The following CSMD1 variants were observed in gnomAD, a reference collection of about 807,000 sequenced individuals.
CSMD1 encodes the protein CUB and Sushi multiple domains 1.
CSMD1 carries 213 observed loss-of-function variants against 417.5 expected under a neutral mutation model. The observed-to-expected ratio is 0.51, with a 90% CI of 0.46 to 0.57. The LOEUF (loss-of-function observed/expected upper bound fraction) is 0.57. Ranked by LOEUF, CSMD1 falls within the 20% of genes least tolerant of loss-of-function variation. The probability of loss-of-function intolerance (pLI) is 0.00; values close to 1 mark genes in which losing one functional copy is unlikely to be tolerated. For missense variants in CSMD1, 6,923 were observed against 4,529.7 expected, an observed-to-expected ratio of 1.53 and a Z score of -15.17; for synonymous variants, 2,862 against 1,736.8, an observed-to-expected ratio of 1.65 and a Z score of -16.11.
chr8:4,501,465 C>A (rs1802256938), intron 2 of CSMD1, among the ~76,000 whole-genome samples: 1 of 152,174 alleles, frequency 6.6e-6, no homozygotes, highest in Non-Finnish European at 1.5e-5. Context: ...ATACTTTTCT[C>A]ATGTCAACAT....
chr8:3,895,684 G>A (rs938013920), intron 5 of CSMD1, among the ~76,000 whole-genome samples: 3 of 152,128 alleles, frequency 2.0e-5, no homozygotes, highest in African/African-American at 7.2e-5. Flanking sequence ...TATAATCCAA[G>A]TATTTGTATT....
chr8:3,004,806 T>C (rs1312859904), intron 52 of CSMD1, among the ~76,000 whole-genome samples: 1 of 152,180 alleles, frequency 6.6e-6, no homozygotes, highest in African/African-American at 2.4e-5. Context: ...CTCCAGTGAC[T>C]CCGTTTTACA....
At chr8:3,405,605 G>T (rs1404386949) in intron 15 of CSMD1, among the ~76,000 whole-genome samples, 1 of 23,636 alleles carries the variant, frequency 4.2e-5, no homozygotes, top group Non-Finnish European at 7.9e-5. Flanking sequence ...ATAAGGTGTT[G>T]CTGGAAGAAG....
At chr8:3,775,845 T>C (rs1192092280) in intron 5 of CSMD1, among the ~76,000 whole-genome samples, 1 of 152,196 alleles carries the variant, frequency 6.6e-6, no homozygotes, top group Non-Finnish European at 1.5e-5. Flanking sequence ...CGCAGGGTTG[T>C]TACTGACCTA....
rs574323964 is a variant in CSMD1 at position 3,839,801 on chromosome 8, C to G, written c.819-85759G>C. 4.0e-5 allele frequency among the ~76,000 whole-genome samples: 6 copies of G among 151,686 alleles called. No homozygotes were observed. The East Asian group carries it at 1.2e-3, about 30-fold the overall frequency. ...TATTTGTTCCCAGAGAAGCTGGTGG[C>G]CAAACTAGAGACCAAAGTGCACAGC... is the stretch of plus-strand genomic sequence containing the variant. On this transcript the variant is annotated intron_variant, in intron 5 of 69. Transcript: ENST00000635120.
At chr8:4,843,251 G>T (rs969352987) in intron 1 of CSMD1, among the ~76,000 whole-genome samples, 1 of 152,228 alleles carries the variant, frequency 6.6e-6, no homozygotes, top group East Asian at 1.9e-4. Context: ...GGAATACGAT[G>T]TCTCCCTAAC....
chr8:4,108,369 T>C (rs890366504), intron 3 of CSMD1, among the ~76,000 whole-genome samples: 1 of 152,110 alleles, frequency 6.6e-6, no homozygotes, highest in Non-Finnish European at 1.5e-5. Flanking sequence ...TCACCCCGGG[T>C]ATCTGTATCA....
intron 20 of CSMD1, among the ~76,000 whole-genome samples, chr8:3,365,826 G>A (rs75953397): frequency 0.03 from 4,584 of 152,262 alleles, 95 homozygotes; most frequent in East Asian, 0.08. Flanking sequence ...AATAATACAA[G>A]GATTAGGGGT....
chr8:4,555,381 G>A (rs906986439), intron 2 of CSMD1, among the ~76,000 whole-genome samples: 1 of 152,110 alleles, frequency 6.6e-6, no homozygotes, highest in Non-Finnish European at 1.5e-5. Flanking sequence ...GGAATGTCGT[G>A]GGCCATTTGG....
chr8:4,034,966 G>C lies in CSMD1; in HGVS notation c.416-2867C>G, dbSNP rs114999210. On this transcript the variant is annotated intron_variant, in intron 3 of 69. Coordinates refer to ENST00000635120, the MANE Select transcript of CSMD1 (RefSeq NM_033225.6). ...TGAAACACTCTGGAAATGGAACTTA[G>C]TCTGCGCGACTCTTCTATACGTTTT... Among the ~76,000 whole-genome samples the C allele has an allele frequency of 1.3e-3, 197 of 152,258 alleles. 1 individual carries two copies. The highest frequency in any genetic ancestry group is 4.4e-3 in the African/African-American group (181 of 41,552).
chr8:3,702,541 A>T (rs952331786), intron 7 of CSMD1, among the ~76,000 whole-genome samples: 21 of 152,242 alleles, frequency 1.4e-4, no homozygotes, highest in African/African-American at 5.1e-4. Context: ...ATTAAAAAAT[A>T]GAGTGCTGGC....
Position 4,279,009 on chromosome 8 carries a change from G to A in CSMD1, c.415+140944C>T, listed in dbSNP as rs766072341. On this transcript the variant is annotated intron_variant, in intron 3 of 69. Transcript: ENST00000635120. ...ATATTGTTATAACTATTTACTGACA[G>A]TTGTTAAAGTTGAGCTATGGACACA... 3.5e-4 allele frequency among the ~76,000 whole-genome samples: 53 copies of A among 152,130 alleles called. 1 individual carries two copies. The highest frequency in any genetic ancestry group is 1.0e-4 in the Non-Finnish European group (7 of 68,034).
At chr8:4,383,351 G>C (rs1803229898) in intron 3 of CSMD1, among the ~76,000 whole-genome samples, 1 of 152,146 alleles carries the variant, frequency 6.6e-6, no homozygotes, top group Non-Finnish European at 1.5e-5. Flanking sequence ...TATGATGAGA[G>C]AGTTTTCTTT....
intron 3 of CSMD1, among the ~76,000 whole-genome samples, chr8:4,292,781 G>A (rs764223764): frequency 6.6e-6 from 1 of 152,078 alleles, no homozygotes. Flanking sequence ...ACAATCTTCA[G>A]TAGTCCCAAC....
In CSMD1 at chr8:3,493,956, T is replaced by C. The variant is rs528137321; in HGVS notation, c.1345-230A>G. On this transcript the variant is annotated intron_variant, in intron 10 of 69. Coordinates refer to ENST00000635120, the MANE Select transcript of CSMD1 (RefSeq NM_033225.6). ...GCTATTACTCCCAACTTATGTATTT[T>C]CACCTCTAAAAATGAAATTTAACCT... is the stretch of plus-strand genomic sequence containing the variant. Among the ~76,000 whole-genome samples, 19 of 152,344 alleles carry C rather than the reference T, an allele frequency of 1.2e-4. 1 individual carries two copies. In the South Asian group the frequency reaches 3.7e-3, roughly 30 times the overall value.
intron 49 of CSMD1, among the ~76,000 whole-genome samples, chr8:3,064,435 G>A (rs1223953420): frequency 1.3e-5 from 2 of 152,148 alleles, no homozygotes; most frequent in Non-Finnish European, 2.9e-5. Context: ...TTTCTGCCAT[G>A]ATTGTAAGTT....
intron 5 of CSMD1, among the ~76,000 whole-genome samples, chr8:3,813,184 T>A (rs1234174684): frequency 6.6e-6 from 1 of 150,682 alleles, no homozygotes; most frequent in African/African-American, 2.4e-5. Flanking sequence ...ATTCATGACA[T>A]AATTTTACTT....
At chr8:3,373,897 GA>G (rs1810138645) in intron 18 of CSMD1, among the ~76,000 whole-genome samples, 1 of 151,846 alleles carries the variant, frequency 6.6e-6, no homozygotes, top group South Asian at 2.1e-4. Flanking sequence ...AAGAACAAAA[GA>G]GGAGACATAC....
intron 2 of CSMD1, among the ~76,000 whole-genome samples, chr8:4,519,201 C>G (rs992833550): frequency 1.3e-5 from 2 of 152,022 alleles, no homozygotes; most frequent in African/African-American, 4.8e-5. Flanking sequence ...ATTACTAGAT[C>G]TTTGAAGAAC....
Sources: allele counts gnomAD v4.1 joint callset (sites outside exome capture counted in the v4.1 genomes callset), GRCh38; gene constraint gnomAD v4.1.1; transcripts MANE v1.5; gene names NCBI Gene and HGNC (gene_info 2026-07-23, HGNC 2026-07-21).